Variants in DST observed in about 807,000 individuals in gnomAD.
DST encodes the protein dystonin, also known as bullous pemphigoid antigen.
A neutral mutation model predicts 875.2 loss-of-function variants in DST; 253 were observed. The observed-to-expected ratio is 0.29, with a 90% confidence interval of 0.26 to 0.32. DST has a LOEUF of 0.32. DST is among the 10% of genes least tolerant of loss of function. The probability of loss-of-function intolerance (pLI) is 1.00; values close to 1 mark genes in which losing one functional copy is unlikely to be tolerated. For missense variants in DST, 8,287 were observed against 9,111.6 expected (o/e 0.91, Z 3.68); for synonymous variants, 3,124 against 3,197.1 (o/e 0.98, Z 0.77).
chr6:56,886,546 C>T (rs572003045), intron 3 of DST, among the ~76,000 whole-genome samples: 2 of 152,238 alleles, frequency 1.3e-5, no homozygotes, highest in African/African-American at 2.4e-5. Flanking sequence ...GAGGCCGAGG[C>T]GGGCAGATCA....
chr6:56,655,357 A>G (rs1182991589), intron 10 of DST, among the ~76,000 whole-genome samples: 1 of 152,192 alleles, frequency 6.6e-6, no homozygotes, highest in African/African-American at 2.4e-5. Flanking sequence ...GCCAGCTAAG[A>G]GAAGAGTGCT....
At chr6:56,699,910 A>G (rs567857005) in intron 8 of DST, among the ~76,000 whole-genome samples, 165 bp from the exon 9 acceptor site, 1 of 152,368 alleles carries the variant, frequency 6.6e-6, no homozygotes, top group African/African-American at 2.4e-5. Context: ...CAATCATTTT[A>G]TATTACAAAT....
intron 4 of DST, among the ~76,000 whole-genome samples, chr6:56,792,795 T>TGGTA (rs1487098994): frequency 6.6e-6 from 1 of 152,138 alleles, no homozygotes; most frequent in Non-Finnish European, 1.5e-5. Flanking sequence ...TGGCTGGGCA[T>TGGTA]GGTAGCTCAC....
At chr6:56,834,956 C>T (rs1460380556) in intron 4 of DST, among the ~76,000 whole-genome samples, 1 of 152,200 alleles carries the variant, frequency 6.6e-6, no homozygotes, top group South Asian at 2.1e-4. Flanking sequence ...AGATGTCCTT[C>T]AGTCGGTGAA....
At chr6:56,616,920 GA>G in intron 36 of DST, 1 of 1,609,030 alleles carries the variant, frequency 6.2e-7, no homozygotes, top group Non-Finnish European at 8.5e-7. Flanking sequence ...CCTGAAATGG[GA>G]TCAATTATAA....
chr6:56,741,601 A>G (rs1166272972), intron 4 of DST, among the ~76,000 whole-genome samples: 1 of 152,220 alleles, frequency 6.6e-6, no homozygotes, highest in Non-Finnish European at 1.5e-5. Context: ...TGTAAATCAC[A>G]CCACTTTCCA....
chr6:56,617,554 G>C (rs1216560864), intron 36 of DST: 3 of 776,824 alleles, frequency 3.9e-6, no homozygotes, highest in Non-Finnish European at 6.5e-6. Flanking sequence ...AAACCAAGGA[G>C]GGTTCAGGAA....
At chr6:56,508,394 C>G (rs2096391717) in intron 75 of DST, 135 bp downstream of exon 75, 2 of 713,846 alleles carry the variant, frequency 2.8e-6, no homozygotes, top group Non-Finnish European at 4.8e-6. Flanking sequence ...CTATCTCCTA[C>G]TGTATCACTG....
intron 93 of DST, among the ~76,000 whole-genome samples, chr6:56,473,093 T>C (rs1310327322): frequency 1.3e-5 from 2 of 152,206 alleles, no homozygotes; most frequent in Admixed American, 1.3e-4. Context: ...GTTATAATTA[T>C]ACCCTTCTAC....
In DST at chr6:56,625,220, T is replaced by C; in HGVS notation, c.4767A>G (p.Ser1589=). The change falls in exon 35 of 104, where the codon TCA becomes TCG. Residue 1589 remains serine, a synonymous_variant. Transcript: ENST00000680361. ...GGCGTTTCACTGGAGATTTTTGTTGTGAATCTACCATGGCCCGGTAGGTCA... is the reference window on the plus strand; with the variant it reads ...GGCGTTTCACTGGAGATTTTTGTTGCGAATCTACCATGGCCCGGTAGGTCA... The part of the protein sequence containing the change: ...QTMTYRAMVD[S]QQKSPVKRRR... 1 of 1,613,604 alleles carries C rather than the reference T, an allele frequency of 6.2e-7. No homozygotes were observed. The highest frequency in any genetic ancestry group is 8.5e-7 in the Non-Finnish European group (1 of 1,179,604).
intron 91 of DST, 111 bp downstream of exon 91, chr6:56,477,234 T>G: frequency 8.5e-7 from 1 of 1,181,314 alleles, no homozygotes; most frequent in Non-Finnish European, 1.2e-6. Context: ...GTTTTCTATG[T>G]AGAGGTCTCA....
intron 4 of DST, among the ~76,000 whole-genome samples, chr6:56,793,722 C>T (rs2099735140): frequency 6.6e-6 from 1 of 152,026 alleles, no homozygotes; most frequent in Non-Finnish European, 1.5e-5. Flanking sequence ...GATAATAATA[C>T]AATCAATTTA....
chr6:56,777,785 C>G (rs1007773854), intron 4 of DST, among the ~76,000 whole-genome samples: 1 of 151,768 alleles, frequency 6.6e-6, no homozygotes, highest in Non-Finnish European at 1.5e-5. Flanking sequence ...CACACTGCAG[C>G]CTTCTGGGCC....
chr6:56,572,983 C>G lies in DST; in HGVS notation c.13318G>C (p.Asp4440His). The change falls in exon 52 of 104, where the codon GAT (aspartate) becomes CAT (histidine). Residue 4440 changes from aspartate to histidine, a missense_variant. Asp to His is a moderately conservative substitution (Grantham distance 81, BLOSUM62 -1). Coordinates refer to ENST00000680361, the MANE Select transcript of DST (RefSeq NM_001374736.1). ...EKVKKFMETT[D>H]PSTASSLQAK... Reference sequence around the variant, plus strand: ...TGCAGTGAGGATGCAGTGGATGGATCTGTTGTTTCCATAAATTTCTTCACT... The same window carrying G: ...TGCAGTGAGGATGCAGTGGATGGATGTGTTGTTTCCATAAATTTCTTCACT... 2 of 1,609,336 alleles carry G rather than the reference C, an allele frequency of 1.2e-6. No individual in the cohort carries two copies. Among genetic ancestry groups the G allele is most frequent in the Non-Finnish European group, 1.7e-6 (2 of 1,177,900 alleles).
At chr6:56,486,950 T>G (rs2095591348) in intron 87 of DST, among the ~76,000 whole-genome samples, 154 bp downstream of exon 87, 1 of 152,108 alleles carries the variant, frequency 6.6e-6, no homozygotes, top group Non-Finnish European at 1.5e-5. Flanking sequence ...GACTTCTCAA[T>G]GCAAGTGCTA....
chr6:56,878,680 C>T (rs1490872746), intron 3 of DST, among the ~76,000 whole-genome samples: 1 of 152,116 alleles, frequency 6.6e-6, no homozygotes, highest in East Asian at 1.9e-4. Flanking sequence ...AAGGGCTGTG[C>T]AAAACTAGGC....
At chr6:56,814,815 G>C (rs1383590570) in intron 4 of DST, among the ~76,000 whole-genome samples, 2 of 152,076 alleles carry the variant, frequency 1.3e-5, no homozygotes, top group Non-Finnish European at 2.9e-5. Context: ...AAATATTATT[G>C]AACAAAAAGA....
At chr6:56,639,838 T>G (rs2098871988) in intron 19 of DST, 65 bp from the exon 20 acceptor site, 7 of 1,583,814 alleles carry the variant, frequency 4.4e-6, no homozygotes, top group Admixed American at 1.7e-5. Flanking sequence ...TCACACTTAA[T>G]GTATCTATTA....
At chr6:56,792,458 A>G (rs2099728207) in intron 4 of DST, among the ~76,000 whole-genome samples, 1 of 152,114 alleles carries the variant, frequency 6.6e-6, no homozygotes, top group East Asian at 1.9e-4. Context: ...ATACCATCTC[A>G]ACTAAATGAT....
Sources: gnomAD v4.1 joint callset for allele counts (sites outside exome capture counted in the v4.1 genomes callset) on GRCh38, gnomAD v4.1.1 for gene constraint, MANE v1.5 for transcripts, NCBI Gene and HGNC (gene_info 2026-07-23, HGNC 2026-07-21) for gene names.